BANP: variants seen among roughly 807,000 people sequenced by gnomAD.
BANP encodes protein BANP.
In BANP, 11 loss-of-function variants were observed where a neutral mutation model predicts 68.1. That is an observed-to-expected ratio of 0.16 (90% CI 0.10 to 0.27). The LOEUF is 0.27. Among genes scored for constraint, BANP ranks in the 10% least tolerant of loss-of-function variants. BANP has a pLI of 1.00. For synonymous variants in BANP, 329 were observed against 303.2 expected, an observed-to-expected ratio of 1.09 and a Z score of -0.88; for missense variants, 504 against 722.7, an observed-to-expected ratio of 0.70 and a Z score of 3.47.
chr16:88,010,053 G>C (rs1482279177), intron 6 of BANP, among the ~76,000 whole-genome samples: 1 of 152,260 alleles, frequency 6.6e-6, no homozygotes, highest in African/African-American at 2.4e-5. Flanking sequence ...GGGAACAGTA[G>C]ACTGTGTCTT....
chr16:88,032,134 G>T (rs373747384), intron 8 of BANP, among the ~76,000 whole-genome samples: 9 of 151,480 alleles, frequency 5.9e-5, no homozygotes, highest in African/African-American at 1.9e-4. Flanking sequence ...ATAATTTTAT[G>T]TCTTTCATTT....
chr16:87,983,217 A>G (rs1427486297), intron 3 of BANP, among the ~76,000 whole-genome samples: 1 of 151,816 alleles, frequency 6.6e-6, no homozygotes, highest in Non-Finnish European at 1.5e-5. Context: ...CCTGAGTACT[A>G]AGCAGGGCTG....
At chr16:87,952,501 T>C (rs567154509) in intron 1 of BANP, 1 of 152,312 alleles carries the variant, frequency 6.6e-6, no homozygotes, top group South Asian at 2.1e-4. Flanking sequence ...CTACAGTAAA[T>C]AATTGATAAG....
upstream of BANP, among the ~76,000 whole-genome samples, chr16:87,951,184 T>C (rs2144227374): frequency 6.6e-6 from 1 of 152,298 alleles, no homozygotes; most frequent in South Asian, 2.1e-4. Flanking sequence ...CCTCAGACCG[T>C]CCACTGAGGT....
rs867075622 is a variant in BANP, at chr16:88,018,347, G to A, written c.656-81G>A. 19 of 1,517,788 alleles carry A rather than the reference G, an allele frequency of 1.3e-5. No individual in the cohort carries two copies. Among genetic ancestry groups the A allele is most frequent in the Middle Eastern group, 2.4e-4 (1 of 4,110 alleles). 94.0% of individuals were successfully genotyped at this position (1,517,788 alleles called of 1,614,324 possible). A position where few individuals can be genotyped will look rare whatever the true frequency, so the allele number is the denominator to read the frequency against. ...TGCGTGGAGCATCTTTCCCGACTGT[G>A]CCTGAGCAGAGCGCTCTGCTGTCCT... On this transcript the variant is annotated intron_variant, in intron 6 of 13. Coordinates refer to ENST00000682872, the MANE Select transcript of BANP (RefSeq NM_001386991.1). The surrounding 1 kb of genome is among the most constrained non-coding windows in gnomAD (Gnocchi z 7.7).
chr16:88,046,098 T>C (rs1020233586), intron 11 of BANP, among the ~76,000 whole-genome samples: 3 of 152,230 alleles, frequency 2.0e-5, no homozygotes, highest in African/African-American at 7.2e-5. Context: ...AGGCGGGCTG[T>C]GGTCTGCAGA....
chr16:88,062,756 C>T (rs928841750), intron 11 of BANP, among the ~76,000 whole-genome samples: 3 of 152,178 alleles, frequency 2.0e-5, no homozygotes, highest in South Asian at 4.1e-4. Context: ...GACATAAAGC[C>T]GGCAGGGAGA....
At chr16:88,023,839 C>T (rs1393304398) in intron 7 of BANP, among the ~76,000 whole-genome samples, 1 of 152,170 alleles carries the variant, frequency 6.6e-6, no homozygotes, top group Non-Finnish European at 1.5e-5. Flanking sequence ...AAAATAGAGG[C>T]GTGCACTGTG....
chr16:88,009,409 A>C (rs1431439224), intron 6 of BANP, among the ~76,000 whole-genome samples: 1 of 152,260 alleles, frequency 6.6e-6, no homozygotes, highest in African/African-American at 2.4e-5. Context: ...AGAACCACAG[A>C]TTTCAAAACG....
chr16:88,004,285 T>C lies in BANP; in HGVS notation c.363-10T>C. On this transcript the variant is annotated splice_polypyrimidine_tract_variant and intron_variant, in intron 4 of 13. Transcript: ENST00000682872. The surrounding 1 kb of genome is among the most constrained non-coding windows in gnomAD (Gnocchi z 7.0). ...GCCTTCTTTTTCTTTGTGATTCTTT[T>C]GTTCCCTAGCGTCGTCCCCCAGACT... 6.8e-7 allele frequency: 1 copy of C among 1,473,834 alleles called. No homozygotes were observed. Among genetic ancestry groups the C allele is most frequent in the Admixed American group, 2.0e-5 (1 of 50,884 alleles). 91.3% of individuals were successfully genotyped at this position (1,473,834 alleles called of 1,614,324 possible). A position where few individuals can be genotyped will look rare whatever the true frequency, so the allele number is the denominator to read the frequency against.
intron 1 of BANP, among the ~76,000 whole-genome samples, chr16:87,972,366 T>G (rs1458445063): frequency 5.9e-5 from 9 of 152,106 alleles, no homozygotes; most frequent in Admixed American, 5.9e-4. Context: ...GGTTTCTGGT[T>G]AATGTGTGTT....
chr16:88,010,415 A>C (rs768900125), intron 6 of BANP, among the ~76,000 whole-genome samples: 3 of 152,256 alleles, frequency 2.0e-5, no homozygotes, highest in Non-Finnish European at 4.4e-5. Context: ...CTTCCCAGGC[A>C]GTAGAATGAC....
rs1255413118 is a variant in BANP, at chr16:87,966,513, T to C, written c.-68-8535T>C. ...TTTTTTCTATTGAAATCTTTACTGTTAGCAGAATTTTAAATGACTCTTGAT... is the reference window on the plus strand; with the variant it reads ...TTTTTTCTATTGAAATCTTTACTGTCAGCAGAATTTTAAATGACTCTTGAT... On this transcript the variant is annotated intron_variant, in intron 1 of 13. Coordinates refer to ENST00000682872, the MANE Select transcript of BANP (RefSeq NM_001386991.1). Among the ~76,000 whole-genome samples, 4 of 152,250 alleles carry C rather than the reference T, an allele frequency of 2.6e-5. No individual in the cohort carries two copies. In the South Asian group the frequency reaches 8.3e-4, roughly 32 times the overall value.
At chr16:87,974,505 C>T (rs571525114) in intron 1 of BANP, among the ~76,000 whole-genome samples, 17 of 152,308 alleles carry the variant, frequency 1.1e-4, no homozygotes, top group Admixed American at 3.3e-4. Context: ...GCCACTCCGC[C>T]GGGCCTGTGG....
In BANP at chr16:87,975,075, T is replaced by C. The variant is rs1395765863; in HGVS notation, c.-41T>C. On this transcript the variant is annotated 5_prime_UTR_variant, in exon 2 of 14. Transcript: ENST00000682872. ...GACCAAAAGCCAGCCCCACTGTGAG[T>C]TGAACTCTTTCGTGTTGACCGGCCA... 1.3e-6 allele frequency: 2 copies of C among 1,583,452 alleles called. No individual in the cohort carries two copies. Among genetic ancestry groups the C allele is most frequent in the South Asian group, 1.1e-5 (1 of 90,240 alleles).
chr16:88,031,788 C>G lies in BANP; in HGVS notation c.1064-1321C>G, dbSNP rs182803575. On this transcript the variant is annotated intron_variant, in intron 8 of 13. Transcript: ENST00000682872. ...TGGAAAGCTTTTCTCTCCCCTCCCC[C>G]GCTCTTGCCCTCCCCTCTCTTGCCC... is the stretch of plus-strand genomic sequence containing the variant. Among the ~76,000 whole-genome samples the G allele has an allele frequency of 3.4e-4, 51 of 151,372 alleles. No individual in the cohort carries two copies. The East Asian group carries it at 9.2e-3, about 27-fold the overall frequency.
intron 8 of BANP, among the ~76,000 whole-genome samples, chr16:88,031,983 T>G (rs554883379): frequency 3.9e-5 from 6 of 152,084 alleles, no homozygotes; most frequent in Non-Finnish European, 8.8e-5. Context: ...TTTTGTATTT[T>G]TAGTAGAGAC....
At chr16:87,964,955 C>A (rs76736497) in intron 1 of BANP, among the ~76,000 whole-genome samples, 21,295 of 152,126 alleles carry the variant, frequency 0.14, 1,623 homozygotes, top group South Asian at 0.25. Context: ...AGGGGAGACA[C>A]CTAGTAGGTG....
rs933169019 is a variant in BANP at position 87,957,891 on chromosome 16, G to A, written c.-69+6376G>A. On this transcript the variant is annotated intron_variant, in intron 1 of 13. Coordinates refer to ENST00000682872, the MANE Select transcript of BANP (RefSeq NM_001386991.1). The surrounding 1 kb of genome is among the most constrained non-coding windows in gnomAD (Gnocchi z 4.3). The stretch of plus-strand genomic sequence containing the variant: ...GGATGCGGACAACCCCTGCCGCTAC[G>A]TGTCCTCAAGTGAGCTCAGCTCTTG... Among the ~76,000 whole-genome samples the A allele has an allele frequency of 2.0e-5, 3 of 152,268 alleles. No individual in the cohort carries two copies. Among genetic ancestry groups the A allele is most frequent in the South Asian group, 2.1e-4 (1 of 4,820 alleles).
Sources: gnomAD v4.1 joint callset for allele counts (sites outside exome capture counted in the v4.1 genomes callset) on GRCh38, gnomAD v4.1.1 for gene constraint, Gnocchi (gnomAD v3.1) non-coding constraint, MANE v1.5 for transcripts, NCBI Gene and HGNC (gene_info 2026-07-23, HGNC 2026-07-21) for gene names.